FOXP2: variants seen among roughly 807,000 people sequenced by gnomAD.
The protein encoded by FOXP2 is forkhead box P2, also known as forkhead box protein P2.
FOXP2 carries 12 observed loss-of-function variants against 115.8 expected under a neutral mutation model. The observed-to-expected ratio is 0.10, with a 90% CI of 0.07 to 0.17. The LOEUF (loss-of-function observed/expected upper bound fraction) is 0.17. FOXP2 is among the 10% of genes least tolerant of loss of function. The pLI is 1.00. For missense variants in FOXP2, 629 were observed against 843.5 expected, an observed-to-expected ratio of 0.75 and a Z score of 3.15; for synonymous variants, 328 against 297.7, an observed-to-expected ratio of 1.10 and a Z score of -1.05.
intron 2 of FOXP2, among the ~76,000 whole-genome samples, chr7:114,392,982 G>A (rs1792641864): frequency 6.6e-6 from 1 of 152,160 alleles, no homozygotes; most frequent in African/African-American, 2.4e-5. Context: ...TAAACCACAT[G>A]GCTGGGAAGT....
At chr7:114,117,948 C>T (rs530398268) in intron 1 of FOXP2, among the ~76,000 whole-genome samples, 1 of 152,090 alleles carries the variant, frequency 6.6e-6, no homozygotes, top group South Asian at 2.1e-4. Context: ...GGTCACTATT[C>T]CCATTCATGA....
chr7:114,608,807 A>T (rs1330597396), intron 3 of FOXP2, among the ~76,000 whole-genome samples: 1 of 152,208 alleles, frequency 6.6e-6, no homozygotes, highest in Non-Finnish European at 1.5e-5. Context: ...TTACATTAAT[A>T]ACCCTGTACC....
chr7:114,476,138 G>T (rs1392909260), intron 2 of FOXP2, among the ~76,000 whole-genome samples: 3 of 142,046 alleles, frequency 2.1e-5, no homozygotes, highest in African/African-American at 7.8e-5. Flanking sequence ...GGTCCCATTT[G>T]TTTATTTTTA....
In FOXP2 at chr7:114,614,319, T is replaced by C. The variant is rs1031413883; in HGVS notation, c.259-14221T>C. The stretch of plus-strand genomic sequence containing the variant: ...TAAATTAGGTTGAATAATGTTCATA[T>C]GTAAAAGAGATATTTTCTACCAACT... On this transcript the variant is annotated intron_variant, in intron 3 of 16. Transcript: ENST00000350908. Among the ~76,000 whole-genome samples, 7 of 152,332 alleles carry C rather than the reference T, an allele frequency of 4.6e-5. No homozygotes were observed. In the East Asian group the frequency reaches 9.6e-4, roughly 21 times the overall value.
chr7:114,547,360 C>T (rs987067701), intron 3 of FOXP2, among the ~76,000 whole-genome samples: 4 of 152,060 alleles, frequency 2.6e-5, no homozygotes, highest in Non-Finnish European at 5.9e-5. Context: ...AAATACACTC[C>T]TCATTGCTCT....
chr7:114,373,270 T>C (rs2129189946), intron 2 of FOXP2, among the ~76,000 whole-genome samples: 1 of 152,318 alleles, frequency 6.6e-6, no homozygotes, highest in Non-Finnish European at 1.5e-5. Flanking sequence ...TCCGCCTGCC[T>C]CGGCCTCCCA....
intron 1 of FOXP2, 59 bp downstream of exon 1, chr7:114,415,419 C>T (rs1793293987): frequency 2.6e-6 from 1 of 380,794 alleles, no homozygotes; most frequent in Non-Finnish European, 5.1e-6. Context: ...TGGGATTTTA[C>T]GATTGCTTTA....
Position 114,692,339 on chromosome 7 carries a change from A to G in FOXP2, c.*2413A>G, listed in dbSNP as rs1430663195. On this transcript the variant is annotated 3_prime_UTR_variant, in exon 17 of 17. Coordinates refer to ENST00000350908, the MANE Select transcript of FOXP2 (RefSeq NM_014491.4). ...CTGTAGAGTTTTGCATGGGTTTTAT[A>G]TGAATACAATTTTAAAAAATAGCTG... is the stretch of plus-strand genomic sequence containing the variant. 1 of 453,948 alleles carries G rather than the reference A, an allele frequency of 2.2e-6. No individual in the cohort carries two copies. Among genetic ancestry groups the G allele is most frequent in the Admixed American group, 2.4e-5 (1 of 42,548 alleles). 28.1% of individuals were successfully genotyped at this position (453,948 alleles called of 1,614,324 possible). A position where few individuals can be genotyped will look rare whatever the true frequency, so the allele number is the denominator to read the frequency against.
At chr7:114,574,946 C>A (rs1279293849) in intron 3 of FOXP2, among the ~76,000 whole-genome samples, 1 of 151,884 alleles carries the variant, frequency 6.6e-6, no homozygotes. Context: ...TTTCTCCCTA[C>A]AGGTCTTTAC....
At chr7:114,226,106 T>G (rs905527076) in intron 1 of FOXP2, among the ~76,000 whole-genome samples, 1 of 152,092 alleles carries the variant, frequency 6.6e-6, no homozygotes, top group African/African-American at 2.4e-5. Context: ...CTAAAAGAGG[T>G]TAAAAAGCTC....
At chr7:114,419,239 T>C (rs1054110027) in intron 1 of FOXP2, among the ~76,000 whole-genome samples, 1 of 151,976 alleles carries the variant, frequency 6.6e-6, no homozygotes, top group Non-Finnish European at 1.5e-5. Flanking sequence ...ATTGGCATTT[T>C]CTATTGTTTG....
intron 1 of FOXP2, among the ~76,000 whole-genome samples, chr7:114,168,709 A>C (rs1482415113): frequency 6.6e-6 from 1 of 152,196 alleles, no homozygotes; most frequent in Admixed American, 6.5e-5. Flanking sequence ...CTGAATGTGA[A>C]TCCTCAAGAC....
intron 3 of FOXP2, among the ~76,000 whole-genome samples, chr7:114,609,036 TA>T (rs1049245301): frequency 6.6e-6 from 1 of 151,740 alleles, no homozygotes; most frequent in South Asian, 2.1e-4. Context: ...CCGTCTCTAC[TA>T]AAAAAACAAA....
chr7:114,173,001 A>G (rs1793187630), intron 1 of FOXP2, among the ~76,000 whole-genome samples: 1 of 152,020 alleles, frequency 6.6e-6, no homozygotes, highest in Non-Finnish European at 1.5e-5. Context: ...TTATTTATCT[A>G]TCATAAACTT....
At chr7:114,652,348 T>A in intron 9 of FOXP2, 58 bp downstream of exon 9, 1 of 1,485,180 alleles carries the variant, frequency 6.7e-7, no homozygotes, top group Non-Finnish European at 9.3e-7. Flanking sequence ...TTACATTGAG[T>A]ACTGAGCAGA....
At chr7:114,661,916 TTGTAA>T in intron 13 of FOXP2, 144 bp from the exon 14 acceptor site, 2 of 965,396 alleles carry the variant, frequency 2.1e-6, no homozygotes, top group Non-Finnish European at 3.1e-6. Flanking sequence ...AGTTTGAGGT[TTGTAA>T]TATCATGCCA....
chr7:114,535,093 G>T (rs921831792), intron 3 of FOXP2, among the ~76,000 whole-genome samples: 2 of 151,658 alleles, frequency 1.3e-5, no homozygotes, highest in African/African-American at 2.4e-5. Context: ...CAACCCTTCC[G>T]CAGTTGTATC....
At chr7:114,286,938 G>A (rs1371736323) in intron 1 of FOXP2, among the ~76,000 whole-genome samples, 2 of 152,000 alleles carry the variant, frequency 1.3e-5, no homozygotes, top group African/African-American at 4.8e-5. Flanking sequence ...GTTTAGAAAT[G>A]ATTTCAATAC....
Position 114,176,324 on chromosome 7 carries a change from CTT to C in FOXP2, c.-102+13240_-102+13241del, listed in dbSNP as rs1282886151. ...TCTCTCTCTCTCTCTCTCTCTCTTTCTTTTTCTTTCTTTCTCTCTCTCTCTCT... is the reference window on the plus strand; with the variant it reads ...TCTCTCTCTCTCTCTCTCTCTCTTTCTTTCTTTCTTTCTCTCTCTCTCTCT... On this transcript the variant is annotated intron_variant, in intron 1 of 17. Coordinates refer to the FOXP2 transcript ENST00000634411. 5.1e-3 allele frequency among the ~76,000 whole-genome samples: 610 copies of C among 119,440 alleles called. 6 individuals carry two copies. The highest frequency in any genetic ancestry group is 0.021 in the African/African-American group (576 of 27,590). 78.4% of individuals were successfully genotyped at this position (119,440 alleles called of 152,430 possible).
Sources: gnomAD v4.1 joint callset for allele counts (sites outside exome capture counted in the v4.1 genomes callset) on GRCh38, gnomAD v4.1.1 for gene constraint, MANE v1.5 for transcripts, NCBI Gene and HGNC (gene_info 2026-07-23, HGNC 2026-07-21) for gene names.